The following AGMO variants were observed in gnomAD, a reference collection of about 807,000 sequenced individuals.
AGMO encodes the protein glyceryl-ether monooxygenase.
In AGMO, 75 loss-of-function variants were observed where a neutral mutation model predicts 60.2. That is an observed-to-expected ratio of 1.25 (90% confidence interval 1.03 to 1.51). The LOEUF (loss-of-function observed/expected upper bound fraction) is 1.51, where lower values mean the gene tolerates loss of function less well. AGMO is among the 40% of genes most tolerant of loss of function. AGMO has a pLI of 0.00. For missense variants in AGMO, 763 were observed against 525.5 expected (o/e 1.45, Z -4.42); for synonymous variants, 261 against 177.1 (o/e 1.47, Z -3.76).
intron 3 of AGMO, among the ~76,000 whole-genome samples, chr7:15,434,926 T>C (rs1781357582): frequency 6.6e-6 from 1 of 151,830 alleles, no homozygotes; most frequent in South Asian, 2.1e-4. Flanking sequence ...AGTTTTGCTT[T>C]TTTGAGTGTA....
At chr7:15,410,685 G>A (rs887852285) in intron 5 of AGMO, among the ~76,000 whole-genome samples, 2 of 151,696 alleles carry the variant, frequency 1.3e-5, no homozygotes, top group Non-Finnish European at 2.9e-5. Flanking sequence ...ACATTTTTTA[G>A]TACTTTCTAT....
intron 12 of AGMO, among the ~76,000 whole-genome samples, chr7:15,299,612 G>A (rs930747178): frequency 7.9e-5 from 12 of 152,058 alleles, no homozygotes; most frequent in African/African-American, 2.9e-4. Flanking sequence ...GATTGCCTGA[G>A]CTCAGGAGTT....
chr7:15,197,212 G>A (rs1332727683), downstream of AGMO, among the ~76,000 whole-genome samples: 5 of 151,780 alleles, frequency 3.3e-5, no homozygotes, highest in Non-Finnish European at 7.4e-5. Flanking sequence ...ATGACTATGA[G>A]AACATGGGCG....
At chr7:15,135,178 G>T in the AGMO span, among the ~76,000 whole-genome samples, 1 of 151,726 alleles carries the variant, frequency 6.6e-6, no homozygotes, top group Middle Eastern at 3.2e-3. Flanking sequence ...GTGTGTGTGT[G>T]TGTGTGTGTG....
At chr7:15,195,989 G>C (rs1349627705), downstream of AGMO, among the ~76,000 whole-genome samples, 1 of 151,354 alleles carries the variant, frequency 6.6e-6, no homozygotes, top group East Asian at 2.0e-4. Flanking sequence ...ACATTTTCTG[G>C]CTCAGTTCCT....
chr7:15,448,779 T>TGAGGTC (rs1421849689), intron 3 of AGMO, among the ~76,000 whole-genome samples: 1 of 152,084 alleles, frequency 6.6e-6, no homozygotes, highest in East Asian at 1.9e-4. Flanking sequence ...CAGTCAGCTG[T>TGAGGTC]GAGGAGAGTT....
chr7:15,176,329 C>T, the AGMO span, among the ~76,000 whole-genome samples: 52,724 of 151,512 alleles, frequency 0.35, 10,363 homozygotes, highest in Middle Eastern at 0.46. Flanking sequence ...TTCAAGTTTC[C>T]GATCTACAAC....
the AGMO span, among the ~76,000 whole-genome samples, chr7:15,179,298 A>G: frequency 6.6e-6 from 1 of 152,148 alleles, no homozygotes; most frequent in Non-Finnish European, 1.5e-5. Flanking sequence ...GTGACACTAA[A>G]GGCACCCTTT....
At chr7:15,143,935 T>A in the AGMO span, among the ~76,000 whole-genome samples, 1 of 152,288 alleles carries the variant, frequency 6.6e-6, no homozygotes, top group East Asian at 1.9e-4. Flanking sequence ...CAAAAACTTA[T>A]AAGTAGCATG....
the AGMO span, among the ~76,000 whole-genome samples, chr7:15,189,771 G>A: frequency 3.3e-5 from 5 of 151,190 alleles, no homozygotes; most frequent in Middle Eastern, 3.4e-3. Flanking sequence ...TGTAACAATA[G>A]AAAAAGCTAT....
chr7:15,194,457 T>C, the AGMO span, among the ~76,000 whole-genome samples: 3 of 151,990 alleles, frequency 2.0e-5, 1 homozygote, highest in African/African-American at 4.8e-5. Flanking sequence ...AGAGTGCATA[T>C]GCCCTCTGCA....
intron 12 of AGMO, among the ~76,000 whole-genome samples, chr7:15,236,193 T>G (rs1332576588): frequency 6.6e-6 from 1 of 152,128 alleles, no homozygotes; most frequent in East Asian, 1.9e-4. Flanking sequence ...AAGGCAATAA[T>G]TCTTAAGGAA....
chr7:15,134,990 A>C, the AGMO span, among the ~76,000 whole-genome samples: 6 of 152,082 alleles, frequency 3.9e-5, no homozygotes, highest in Non-Finnish European at 8.8e-5. Flanking sequence ...AAGATTACAG[A>C]TATTAAAAAA....
intron 3 of AGMO, among the ~76,000 whole-genome samples, chr7:15,515,320 T>C (rs1236978382): frequency 2.0e-5 from 3 of 152,216 alleles, no homozygotes; most frequent in Non-Finnish European, 2.9e-5. Context: ...CAAGTCATCA[T>C]ACTTTTACTT....
At chr7:15,339,390 T>C (rs1476023094) in intron 12 of AGMO, among the ~76,000 whole-genome samples, 1 of 152,162 alleles carries the variant, frequency 6.6e-6, no homozygotes, top group African/African-American at 2.4e-5. Flanking sequence ...CACTGAGTTA[T>C]TTGAGGATAA....
chr7:15,124,991 T>A, the AGMO span, among the ~76,000 whole-genome samples: 1 of 152,002 alleles, frequency 6.6e-6, no homozygotes, highest in African/African-American at 2.4e-5. Context: ...TATAACAAAT[T>A]TATGAAATAA....
intron 12 of AGMO, among the ~76,000 whole-genome samples, chr7:15,235,990 A>G (rs1782406815): frequency 6.6e-6 from 1 of 152,152 alleles, no homozygotes; most frequent in Non-Finnish European, 1.5e-5. Flanking sequence ...AAACATTATT[A>G]TTAGTGGATG....
intron 12 of AGMO, among the ~76,000 whole-genome samples, chr7:15,231,350 A>C (rs138410139): frequency 5.5e-4 from 84 of 152,220 alleles, no homozygotes; most frequent in African/African-American, 2.0e-3. Flanking sequence ...TTCTATACTT[A>C]TCTCTCACTT....
intron 5 of AGMO, among the ~76,000 whole-genome samples, chr7:15,418,346 G>A (rs910099372): frequency 1.3e-5 from 2 of 151,892 alleles, no homozygotes; most frequent in African/African-American, 4.8e-5. Flanking sequence ...TCAAAAAATT[G>A]TTTTATTTAA....
Sources: gnomAD v4.1 joint callset for allele counts (sites outside exome capture counted in the v4.1 genomes callset) on GRCh38, gnomAD v4.1.1 for gene constraint, MANE v1.5 for transcripts, NCBI Gene and HGNC (gene_info 2026-07-23, HGNC 2026-07-21) for gene names.